CATSPERB: variants seen among roughly 807,000 people sequenced by gnomAD.
CATSPERB encodes cation channel sperm-associated auxiliary subunit beta.
In CATSPERB, 93 loss-of-function variants were observed where a neutral mutation model predicts 128.3. That is an observed-to-expected ratio of 0.72 (90% CI 0.61 to 0.86). CATSPERB has a LOEUF of 0.86. Ranked by LOEUF, CATSPERB falls within the 40% of genes least tolerant of loss-of-function variation. The pLI is 0.00. For synonymous variants in CATSPERB, 381 were observed against 448.8 expected, an observed-to-expected ratio of 0.85 and a Z score of 1.91; for missense variants, 1,153 against 1,329.5, an observed-to-expected ratio of 0.87 and a Z score of 2.06.
chr14:91,660,053 C>T (rs1457770688), intron 14 of CATSPERB, 72 bp from the exon 15 acceptor site: 3 of 1,377,062 alleles, frequency 2.2e-6, no homozygotes, highest in African/African-American at 2.9e-5. Context: ...TATCAGCCTA[C>T]ATGAGAATAG....
At chr14:91,599,376 G>A (rs977437733) in intron 22 of CATSPERB, among the ~76,000 whole-genome samples, 2 of 151,818 alleles carry the variant, frequency 1.3e-5, no homozygotes, top group African/African-American at 4.8e-5. Flanking sequence ...TGGCTAACGC[G>A]GTGAAACCCC....
intron 7 of CATSPERB, among the ~76,000 whole-genome samples, chr14:91,697,054 G>A (rs371440667): frequency 2.0e-4 from 30 of 152,264 alleles, no homozygotes; most frequent in South Asian, 4.1e-4. Context: ...ATATACAAGC[G>A]AAGAGTGATA....
At chr14:91,585,977 G>T (rs1893290701) in intron 26 of CATSPERB, among the ~76,000 whole-genome samples, 2 of 152,196 alleles carry the variant, frequency 1.3e-5, no homozygotes, top group South Asian at 4.1e-4. Context: ...TGTGTGGGTG[G>T]TGGTTTCAAT....
At chr14:91,687,522 A>G (rs927743379) in intron 10 of CATSPERB, among the ~76,000 whole-genome samples, 5 of 152,292 alleles carry the variant, frequency 3.3e-5, no homozygotes, top group South Asian at 2.1e-4. Context: ...CTCACCAGAC[A>G]CTGAATTTGC....
intron 22 of CATSPERB, among the ~76,000 whole-genome samples, chr14:91,593,678 A>G (rs978074244): frequency 5.3e-5 from 8 of 152,170 alleles, no homozygotes; most frequent in African/African-American, 1.9e-4. Flanking sequence ...CTTGTCTCAC[A>G]TGAGACTTTG....
At chr14:91,669,744 T>C in intron 14 of CATSPERB, 70 bp downstream of exon 14, 2 of 1,422,282 alleles carry the variant, frequency 1.4e-6, no homozygotes, top group South Asian at 1.5e-5. Context: ...GTTCTTAATG[T>C]ACAGCCATGC....
intron 14 of CATSPERB, among the ~76,000 whole-genome samples, chr14:91,664,007 G>A (rs933500643): frequency 3.6e-4 from 54 of 152,004 alleles, no homozygotes; most frequent in Non-Finnish European, 5.9e-4. Flanking sequence ...TACATCCTAT[G>A]GACTTAGACA....
chr14:91,663,252 C>T (rs1894916518), intron 14 of CATSPERB, among the ~76,000 whole-genome samples: 1 of 152,100 alleles, frequency 6.6e-6, no homozygotes, highest in African/African-American at 2.4e-5. Flanking sequence ...GATTTTGGCC[C>T]ATATCACCAG....
chr14:91,583,391 C>G (rs1257997404), intron 26 of CATSPERB, among the ~76,000 whole-genome samples: 1 of 152,118 alleles, frequency 6.6e-6, no homozygotes, highest in Non-Finnish European at 1.5e-5. Flanking sequence ...GGCACTCCAG[C>G]CTGGGCAACA....
chr14:91,694,438 CAAAAAAAAAAAA>C (rs547649333), intron 7 of CATSPERB, among the ~76,000 whole-genome samples: 16 of 65,748 alleles, frequency 2.4e-4, no homozygotes, highest in East Asian at 1.9e-3. Flanking sequence ...GACCCTATCT[CAAAAAAAAAAAA>C]AAAAAAAAAA....
chr14:91,591,567 A>G (rs1236201691), intron 23 of CATSPERB, among the ~76,000 whole-genome samples: 1 of 151,714 alleles, frequency 6.6e-6, no homozygotes, highest in Non-Finnish European at 1.5e-5. Flanking sequence ...AATATTTACC[A>G]TAACCTGGTA....
rs187955523 is a variant in CATSPERB, at chr14:91,587,370, A to G, written c.3058-94T>C. 1.3e-5 allele frequency: 10 copies of G among 764,390 alleles called. No individual in the cohort carries two copies. In the Middle Eastern group the frequency reaches 7.7e-4, roughly 59 times the overall value. 47.4% of individuals were successfully genotyped at this position (764,390 alleles called of 1,614,324 possible). Reference sequence around the variant, plus strand: ...TATACCCTGGGGCCACTGTCCCTATAGATGCTGCATGAAAAGATTCCCATC... The same window carrying G: ...TATACCCTGGGGCCACTGTCCCTATGGATGCTGCATGAAAAGATTCCCATC... On this transcript the variant is annotated intron_variant, in intron 25 of 26. Coordinates refer to ENST00000256343, the MANE Select transcript of CATSPERB (RefSeq NM_024764.4).
At chr14:91,592,026 T>C in intron 22 of CATSPERB, 24 bp from the exon 23 acceptor site, 1 of 1,468,860 alleles carries the variant, frequency 6.8e-7, no homozygotes, top group Non-Finnish European at 9.5e-7. Flanking sequence ...TAACAGATGT[T>C]GACTTGTTTT....
rs1895082966 is a variant in CATSPERB at position 91,671,252 on chromosome 14, C to T, written c.1129-1280G>A. On this transcript the variant is annotated intron_variant, in intron 13 of 26. Coordinates refer to ENST00000256343, the MANE Select transcript of CATSPERB (RefSeq NM_024764.4). ...GAAGGAGAAGGAAAGACCACTCATACCTAGATTTACAAACATTATCAAAAA... is the reference window on the plus strand; with the variant it reads ...GAAGGAGAAGGAAAGACCACTCATATCTAGATTTACAAACATTATCAAAAA... Among the ~76,000 whole-genome samples, 6 of 152,076 alleles carry T rather than the reference C, an allele frequency of 3.9e-5. No individual in the cohort carries two copies. In the South Asian group the frequency reaches 1.0e-3, roughly 26 times the overall value.
At position 91,640,877 on chromosome 14, in the gene CATSPERB, C is replaced by T. The variant is rs1248811405; in HGVS notation, c.1433-1627G>A. On this transcript the variant is annotated intron_variant, in intron 15 of 26. Coordinates refer to ENST00000256343, the MANE Select transcript of CATSPERB (RefSeq NM_024764.4). The stretch of plus-strand genomic sequence containing the variant: ...GTCCCACCAACAGTGTAAAAGTGTT[C>T]CTATTTCTCCACATCCTCTCCAGCA... Among the ~76,000 whole-genome samples, 125 of 151,352 alleles carry T rather than the reference C, an allele frequency of 8.3e-4. 3 individuals carry two copies. Among genetic ancestry groups the T allele is most frequent in the Admixed American group, 8.2e-3 (124 of 15,172 alleles).
chr14:91,610,304 A>C (rs1893800044), intron 21 of CATSPERB, among the ~76,000 whole-genome samples, 176 bp downstream of exon 21: 1 of 152,232 alleles, frequency 6.6e-6, no homozygotes, highest in Non-Finnish European at 1.5e-5. Context: ...TTATTTCAGA[A>C]AGCTTTTACA....
intron 15 of CATSPERB, among the ~76,000 whole-genome samples, chr14:91,646,771 A>G (rs2139811753): frequency 6.6e-6 from 1 of 152,230 alleles, no homozygotes; most frequent in East Asian, 1.9e-4. Context: ...CCTCCAATAC[A>G]ATGATGAATA....
intron 22 of CATSPERB, among the ~76,000 whole-genome samples, chr14:91,594,534 G>A (rs1394958754): frequency 1.3e-5 from 2 of 151,730 alleles, no homozygotes; most frequent in East Asian, 3.9e-4. Flanking sequence ...ATGATTCTGA[G>A]GCCTCCCCAG....
intron 15 of CATSPERB, among the ~76,000 whole-genome samples, chr14:91,641,480 G>T (rs1477572371): frequency 2.0e-5 from 3 of 152,058 alleles, no homozygotes; most frequent in Non-Finnish European, 4.4e-5. Context: ...TTTCCCCATT[G>T]CTTGTTTTTC....
Sources: allele counts gnomAD v4.1 joint callset (sites outside exome capture counted in the v4.1 genomes callset), GRCh38; gene constraint gnomAD v4.1.1; transcripts MANE v1.5; gene names NCBI Gene and HGNC (gene_info 2026-07-23, HGNC 2026-07-21).